PKHD1: variants seen among roughly 807,000 people sequenced by gnomAD.
PKHD1 encodes the protein fibrocystin.
Under a neutral mutation model 412.0 loss-of-function variants are expected in PKHD1, and 291 were observed. That is an observed-to-expected ratio of 0.71 (90% CI 0.64 to 0.78). The LOEUF is 0.78. Among genes scored for constraint, PKHD1 ranks in the 30% least tolerant of loss-of-function variants. The pLI is 0.00. For missense variants in PKHD1, 4,825 were observed against 4,950.7 expected (o/e 0.97, Z 0.76); for synonymous variants, 1,777 against 1,821.5 (o/e 0.98, Z 0.62).
At chr6:51,710,079 G>A (rs111305993) in intron 60 of PKHD1, among the ~76,000 whole-genome samples, 2,696 of 151,960 alleles carry the variant, frequency 0.018, 28 homozygotes, top group Non-Finnish European at 0.027. Flanking sequence ...GCATGGTGGC[G>A]GCTGCCTGTA....
intron 51 of PKHD1, among the ~76,000 whole-genome samples, chr6:51,835,261 T>G (rs992317328): frequency 2.0e-5 from 3 of 152,156 alleles, no homozygotes; most frequent in African/African-American, 7.2e-5. Flanking sequence ...GATGGTCCAG[T>G]ATCCACAGAA....
chr6:51,935,380 C>T (rs937437581), intron 36 of PKHD1, among the ~76,000 whole-genome samples: 2 of 152,024 alleles, frequency 1.3e-5, no homozygotes, highest in African/African-American at 4.8e-5. Flanking sequence ...TTATATTTTA[C>T]GTAGAATTTT....
In PKHD1 at chr6:52,055,714, T is replaced by C. The variant is rs1393516645; in HGVS notation, c.1709A>G (p.Asn570Ser). ...LGFERGPEVS[N>S]SDGDLTSGTE... is the part of the protein sequence containing the mutation. Reference sequence around the variant, plus strand: ...CCCACTGGTGAGGTCCCCATCAGAGTTGGAAACTTCTGGGCCTGGATGCAG... The same window carrying C: ...CCCACTGGTGAGGTCCCCATCAGAGCTGGAAACTTCTGGGCCTGGATGCAG... The change falls in exon 19 of 67, where the codon AAC becomes AGC. Residue 570 changes from asparagine to serine, a missense_variant. Coordinates refer to ENST00000371117, the MANE Select transcript of PKHD1 (RefSeq NM_138694.4). The C allele has an allele frequency of 1.2e-6, 2 of 1,613,560 alleles. No individual in the cohort carries two copies. Among genetic ancestry groups the C allele is most frequent in the African/African-American group, 1.3e-5 (1 of 74,826 alleles).
chr6:52,048,552 G>T lies in PKHD1; in HGVS notation c.2347C>A (p.Arg783=). ...LVLVTTQRRQ[R]TSPPLGGHFR... is the part of the protein sequence containing the mutation. The stretch of plus-strand genomic sequence containing the variant: ...TGTCCTCCTAGAGGTGGACTTGTCC[G>T]CTGTCGTCTCTGTGTCGTCACCAGG... Residue 783 remains arginine (R), a synonymous_variant, in exon 23 of 67, where the codon CGG becomes AGG. Transcript: ENST00000371117. 1 of 1,613,922 alleles carries T rather than the reference G, an allele frequency of 6.2e-7. No homozygotes were observed. Among genetic ancestry groups the T allele is most frequent in the South Asian group, 1.1e-5 (1 of 91,070 alleles).
chr6:51,892,156 G>A (rs1779216394), intron 43 of PKHD1, among the ~76,000 whole-genome samples: 1 of 152,176 alleles, frequency 6.6e-6, no homozygotes, highest in African/African-American at 2.4e-5. Context: ...TTATTTTGGA[G>A]TCTGAGCAAT....
At chr6:51,929,788 G>A (rs919434295) in intron 37 of PKHD1, among the ~76,000 whole-genome samples, 3 of 152,134 alleles carry the variant, frequency 2.0e-5, no homozygotes, top group Non-Finnish European at 4.4e-5. Context: ...AATTGCACTC[G>A]TGCTTTCTTC....
At chr6:51,813,211 C>A (rs559537519) in intron 52 of PKHD1, among the ~76,000 whole-genome samples, 1 of 152,132 alleles carries the variant, frequency 6.6e-6, no homozygotes, top group Non-Finnish European at 1.5e-5. Flanking sequence ...AGAGTTTGAC[C>A]TTTTTATTAA....
At chr6:51,712,993 C>T (rs1237197643) in intron 60 of PKHD1, among the ~76,000 whole-genome samples, 1 of 152,166 alleles carries the variant, frequency 6.6e-6, no homozygotes, top group Admixed American at 6.5e-5. Flanking sequence ...TCATATGTAT[C>T]TCCAGCTGAG....
intron 52 of PKHD1, among the ~76,000 whole-genome samples, chr6:51,794,699 T>C (rs780913218): frequency 3.9e-5 from 6 of 152,184 alleles, no homozygotes; most frequent in Non-Finnish European, 7.4e-5. Flanking sequence ...TTTTTGTATA[T>C]GGCTTAAGGA....
intron 16 of PKHD1, among the ~76,000 whole-genome samples, chr6:52,058,085 A>G (rs1055643101): frequency 6.6e-6 from 1 of 152,374 alleles, no homozygotes; most frequent in Admixed American, 6.5e-5. Flanking sequence ...AGTTTCTAAA[A>G]GAAGACTTGC....
chr6:51,657,091 C>G (rs1446911909), intron 61 of PKHD1, among the ~76,000 whole-genome samples: 1 of 146,654 alleles, frequency 6.8e-6, no homozygotes, highest in African/African-American at 2.5e-5. Context: ...TGGTACTTTT[C>G]CATGAAAAAA....
chr6:51,637,605 T>TAA (rs58433463), intron 64 of PKHD1, among the ~76,000 whole-genome samples: 67 of 146,736 alleles, frequency 4.6e-4, no homozygotes, highest in Middle Eastern at 7.0e-3. Flanking sequence ...GTCTTTTTGT[T>TAA]AAAAAAAAAA....
intron 60 of PKHD1, among the ~76,000 whole-genome samples, chr6:51,699,937 G>A (rs927894614): frequency 3.3e-5 from 5 of 151,462 alleles, no homozygotes; most frequent in South Asian, 2.1e-4. Context: ...GTGTGTGTGT[G>A]TGTGTGTGTG....
intron 52 of PKHD1, among the ~76,000 whole-genome samples, chr6:51,797,178 T>C (rs559375973): frequency 1.3e-5 from 2 of 152,282 alleles, no homozygotes; most frequent in African/African-American, 4.8e-5. Flanking sequence ...ACTGTTATTA[T>C]TTCAGTTCTT....
chr6:51,989,903 G>GGAAGGAAGGAAA (rs1796703077), intron 35 of PKHD1, among the ~76,000 whole-genome samples: 1 of 48,020 alleles, frequency 2.1e-5, no homozygotes, highest in Admixed American at 3.1e-4. Flanking sequence ...GAAGGAGGGA[G>GGAAGGAAGGAAA]GAAGGAAGGA....
At chr6:51,752,503 T>C (rs148328228) in intron 57 of PKHD1, among the ~76,000 whole-genome samples, 1 of 152,322 alleles carries the variant, frequency 6.6e-6, no homozygotes, top group African/African-American at 2.4e-5. Context: ...GTAAAATAGT[T>C]GTGCCAACAA....
chr6:51,887,619 C>T (rs1423232093), intron 43 of PKHD1, among the ~76,000 whole-genome samples: 2 of 152,108 alleles, frequency 1.3e-5, no homozygotes, highest in Non-Finnish European at 2.9e-5. Context: ...GTGTACAGCA[C>T]CTTGTGGCTC....
chr6:51,998,838 C>T (rs955535058), intron 35 of PKHD1, among the ~76,000 whole-genome samples: 2 of 152,076 alleles, frequency 1.3e-5, no homozygotes, highest in Non-Finnish European at 2.9e-5. Context: ...AATATCTTCT[C>T]ATCTGCACAC....
chr6:51,732,906 T>C (rs1214877452), intron 60 of PKHD1, among the ~76,000 whole-genome samples: 2 of 152,172 alleles, frequency 1.3e-5, no homozygotes, highest in Non-Finnish European at 2.9e-5. Context: ...GGTGGATGAA[T>C]GGATAAGCAA....
Sources: allele counts gnomAD v4.1 joint callset (sites outside exome capture counted in the v4.1 genomes callset), GRCh38; gene constraint gnomAD v4.1.1; transcripts MANE v1.5; gene names NCBI Gene and HGNC (gene_info 2026-07-23, HGNC 2026-07-21).